The following ARMH4 variants were observed in gnomAD, a reference collection of about 807,000 sequenced individuals.
ARMH4 encodes the protein armadillo like helical domain containing 4.
In ARMH4, 49 loss-of-function variants were observed where a neutral mutation model predicts 61.9. That is an observed-to-expected ratio of 0.79 (90% CI 0.63 to 1.00). ARMH4 has a LOEUF of 1.00. Among genes scored for constraint, ARMH4 ranks in the 50% least tolerant of loss-of-function variants. The pLI is 0.00. For synonymous variants in ARMH4, 368 were observed against 341.5 expected, an observed-to-expected ratio of 1.08 and a Z score of -0.85; for missense variants, 934 against 930.0, an observed-to-expected ratio of 1.00 and a Z score of -0.06.
chr14:58,005,665 C>T (rs183305149), intron 6 of ARMH4, among the ~76,000 whole-genome samples: 4 of 152,264 alleles, frequency 2.6e-5, no homozygotes, highest in African/African-American at 9.6e-5. Flanking sequence ...TCTTCTCCCT[C>T]TCTGTCTGTC....
At chr14:58,027,761 A>T (rs924600871) in intron 5 of ARMH4, among the ~76,000 whole-genome samples, 5 of 152,140 alleles carry the variant, frequency 3.3e-5, no homozygotes, top group African/African-American at 1.2e-4. Context: ...GAGGTGATGG[A>T]TATGTTTATG....
intron 5 of ARMH4, among the ~76,000 whole-genome samples, chr14:58,076,791 C>T (rs1885061907): frequency 6.6e-6 from 1 of 152,126 alleles, no homozygotes; most frequent in African/African-American, 2.4e-5. Context: ...CAAAGGGGAA[C>T]CTGCAAGAGC....
intron 6 of ARMH4, among the ~76,000 whole-genome samples, chr14:58,009,949 C>G (rs1008657118): frequency 4.5e-4 from 69 of 151,726 alleles, no homozygotes; most frequent in African/African-American, 1.6e-3. Flanking sequence ...TAAACTACAA[C>G]AACAACAGGA....
chr14:58,137,421 G>A (rs1887341247), intron 2 of ARMH4, among the ~76,000 whole-genome samples: 1 of 151,998 alleles, frequency 6.6e-6, no homozygotes. Context: ...TTTTGAGAGG[G>A]AGTTTCACTC....
intron 5 of ARMH4, among the ~76,000 whole-genome samples, chr14:58,057,805 T>C (rs1428851030): frequency 1.3e-5 from 2 of 152,208 alleles, no homozygotes; most frequent in African/African-American, 2.4e-5. Context: ...GCAGCAAATG[T>C]GCAAAGACCC....
intron 4 of ARMH4, among the ~76,000 whole-genome samples, chr14:58,106,423 G>A (rs1043068167): frequency 6.6e-6 from 1 of 152,214 alleles, no homozygotes; most frequent in African/African-American, 2.4e-5. Flanking sequence ...CTGTGCTTGA[G>A]GTGAACTGAA....
chr14:58,015,505 T>TAG (rs1882578781), intron 5 of ARMH4, among the ~76,000 whole-genome samples: 1 of 152,198 alleles, frequency 6.6e-6, no homozygotes, highest in South Asian at 2.1e-4. Context: ...GTCCTCTGCA[T>TAG]AGTATTGAAC....
At chr14:58,082,055 T>C (rs1021274932) in intron 5 of ARMH4, among the ~76,000 whole-genome samples, 1 of 152,136 alleles carries the variant, frequency 6.6e-6, no homozygotes, top group African/African-American at 2.4e-5. Flanking sequence ...ATTTGTGTCA[T>C]CTCTAAGACA....
intron 5 of ARMH4, among the ~76,000 whole-genome samples, chr14:58,076,083 AGGAGGAAGG>A (rs1490642111): frequency 4.0e-5 from 5 of 126,042 alleles, no homozygotes; most frequent in African/African-American, 1.5e-4. Flanking sequence ...GAGGAGAAAG[AGGAGGAAGG>A]GGAGGGGAAG....
chr14:58,007,257 C>T (rs1415894598), intron 6 of ARMH4, among the ~76,000 whole-genome samples: 3 of 152,204 alleles, frequency 2.0e-5, no homozygotes, highest in Non-Finnish European at 1.5e-5. Context: ...CCAACAACAT[C>T]GGTACTCTCA....
At chr14:58,116,187 T>C (rs992707553) in intron 4 of ARMH4, 1 of 152,786 alleles carries the variant, frequency 6.5e-6, no homozygotes, top group Non-Finnish European at 1.5e-5. Context: ...TCTTGAAAAC[T>C]TTTTACTAAA....
intron 3 of ARMH4, among the ~76,000 whole-genome samples, chr14:58,132,881 G>A (rs112941623): frequency 3.1e-4 from 47 of 152,160 alleles, no homozygotes; most frequent in African/African-American, 1.0e-3. Context: ...CACTGCGCCC[G>A]GCCAACCCTT....
intron 5 of ARMH4, among the ~76,000 whole-genome samples, chr14:58,080,919 T>C (rs1252236827): frequency 1.3e-5 from 2 of 152,050 alleles, no homozygotes; most frequent in East Asian, 1.9e-4. Context: ...CTGGGCAATA[T>C]GGTGAAACCC....
At chr14:58,022,916 T>C (rs576226917) in intron 5 of ARMH4, among the ~76,000 whole-genome samples, 1 of 152,360 alleles carries the variant, frequency 6.6e-6, no homozygotes, top group East Asian at 1.9e-4. Context: ...TCTGTAAAAG[T>C]TATATTTGCA....
intron 4 of ARMH4, among the ~76,000 whole-genome samples, chr14:58,124,470 G>A (rs536536773): frequency 3.4e-4 from 52 of 152,248 alleles, no homozygotes; most frequent in Non-Finnish European, 6.2e-4. Flanking sequence ...ATAATACAGG[G>A]AAGAGATTTT....
At chr14:58,068,944 T>G (rs1884792061) in intron 5 of ARMH4, among the ~76,000 whole-genome samples, 1 of 150,102 alleles carries the variant, frequency 6.7e-6, no homozygotes, top group Non-Finnish European at 1.5e-5. Context: ...GAGACGGAGG[T>G]TGCAGTGAGC....
Position 58,138,291 on chromosome 14 carries a change from G to C in ARMH4, c.1068C>G (p.Gly356=), listed in dbSNP as rs1171206677. 4.3e-6 allele frequency: 7 copies of C among 1,614,186 alleles called. No homozygotes were observed. Among genetic ancestry groups the C allele is most frequent in the Non-Finnish European group, 5.9e-6 (7 of 1,180,032 alleles). The change falls in exon 2 of 8, where the codon GGC becomes GGG. Residue 356 remains glycine, a synonymous_variant. Coordinates refer to ENST00000267485, the MANE Select transcript of ARMH4 (RefSeq NM_001001872.4). ...CCTGTGCAGCCTCTGTCCAAGGCTG[G>C]CCTCCTTCCATACCCTCATGGCTTA... The part of the protein sequence containing the change: ...AQVSHEGMEG[G]QPWTEAAQVA...
At chr14:58,055,941 G>A (rs2141207242) in intron 5 of ARMH4, among the ~76,000 whole-genome samples, 1 of 152,322 alleles carries the variant, frequency 6.6e-6, no homozygotes, top group East Asian at 1.9e-4. Flanking sequence ...AAACTACATG[G>A]TCCTGCATTT....
At chr14:58,102,816 T>A (rs1295331531) in intron 4 of ARMH4, among the ~76,000 whole-genome samples, 3 of 30,428 alleles carry the variant, frequency 9.9e-5, no homozygotes, top group East Asian at 5.9e-4. Flanking sequence ...AGACTCCGTC[T>A]CAAAAAAAAA....
Sources: gnomAD v4.1 joint callset for allele counts (sites outside exome capture counted in the v4.1 genomes callset) on GRCh38, gnomAD v4.1.1 for gene constraint, MANE v1.5 for transcripts, NCBI Gene and HGNC (gene_info 2026-07-23, HGNC 2026-07-21) for gene names.